The following LTBP4 variants were observed in gnomAD, a reference collection of about 807,000 sequenced individuals.
The protein encoded by LTBP4 is latent-transforming growth factor beta-binding protein 4.
Under a neutral mutation model 180.2 loss-of-function variants are expected in LTBP4, and 93 were observed. That is an observed-to-expected ratio of 0.52 (90% CI 0.44 to 0.61). The LOEUF (loss-of-function observed/expected upper bound fraction) is 0.61. LTBP4 is among the 20% of genes least tolerant of loss of function. The probability of loss-of-function intolerance (pLI) is 0.00; values close to 1 mark genes in which losing one functional copy is unlikely to be tolerated. For missense variants in LTBP4, 2,116 were observed against 2,256.5 expected (o/e 0.94, Z 1.26); for synonymous variants, 947 against 934.5 (o/e 1.01, Z -0.24).
chr19:40,606,598 G>T, intron 6 of LTBP4, 72 bp downstream of exon 6: 2 of 1,513,136 alleles, frequency 1.3e-6, no homozygotes, highest in Non-Finnish European at 1.8e-6. Context: ...GCATCCTGGG[G>T]CCTTTAATTC....
chr19:40,599,466 C>T (rs750463863), upstream of LTBP4: 10 of 1,613,788 alleles, frequency 6.2e-6, no homozygotes, highest in Non-Finnish European at 7.6e-6. Context: ...TGTGCAGGCC[C>T]CCAGCGGTGC....
chr19:40,607,279 C>CCCCAACCA, intron 6 of LTBP4, 86 bp from the exon 7 acceptor site: 4 of 1,126,374 alleles, frequency 3.6e-6, no homozygotes, highest in Middle Eastern at 2.0e-4. Context: ...CCCCCAACCC[C>CCCCAACCA]AGAACCATTC....
rs1485556135 is a variant in LTBP4, at chr19:40,613,442, C to T, written c.2470C>T (p.His824Tyr). 5.0e-6 allele frequency: 8 copies of T among 1,604,154 alleles called. No individual in the cohort carries two copies. The East Asian group carries it at 1.8e-4, about 36-fold the overall frequency. ...ECLEGDFCFPHGECLNTDGSF... is the reference protein window; with the variant it reads ...ECLEGDFCFPYGECLNTDGSF... ...CCTGGAGGGCGATTTCTGCTTCCCT[C>T]ACGGCGAGTGCCTCAACACTGACGG... The change falls in exon 17 of 30, where the codon CAC becomes TAC. Residue 824 changes from histidine to tyrosine, a missense_variant. By Grantham distance (83) the His-to-Tyr change is moderately conservative. Transcript: ENST00000396819. This position sits in a 1 kb window ranked among gnomAD's most constrained non-coding sequence, Gnocchi z 5.0.
rs1450122524 is a variant in LTBP4, at chr19:40,605,257, AC to A, written c.442+35del. On this transcript the variant is annotated intron_variant, in intron 2 of 29. Transcript: ENST00000396819. The surrounding 1 kb of genome is among the most constrained non-coding windows in gnomAD (Gnocchi z 5.5). ...GAAAGGGTGGCCAGAGTCCCCTCCG[AC>A]CCCTGTCAAGCATTTCACTTTGCCC... 9.0e-6 allele frequency: 14 copies of A among 1,563,550 alleles called. No homozygotes were observed. The African/African-American group carries it at 1.9e-4, about 21-fold the overall frequency.
chr19:40,599,836 T>G (rs893033051), upstream of LTBP4: 2 of 548,028 alleles, frequency 3.6e-6, no homozygotes, highest in Admixed American at 3.4e-5. Flanking sequence ...CCTGCCTCTA[T>G]GTCTAAGTCT....
At chr19:40,623,775 C>T (rs774006039) in intron 25 of LTBP4, 43 bp downstream of exon 25, 1 of 1,609,474 alleles carries the variant, frequency 6.2e-7, no homozygotes, top group South Asian at 1.1e-5. Flanking sequence ...CTCTCTCCAA[C>T]CCCTAGCCTT....
At chr19:40,599,144 G>A, upstream of LTBP4, 1 of 1,535,608 alleles carries the variant, frequency 6.5e-7, no homozygotes, top group Non-Finnish European at 8.9e-7. Context: ...GCCCTCCTTT[G>A]CAGAGTTCTG....
intron 1 of LTBP4, among the ~76,000 whole-genome samples, chr19:40,594,930 G>A (rs2081382685): frequency 6.6e-6 from 1 of 152,052 alleles, no homozygotes; most frequent in South Asian, 2.1e-4. Context: ...AGCAGGAGTG[G>A]GGGGTGGGGG....
intron 26 of LTBP4, among the ~76,000 whole-genome samples, chr19:40,625,309 T>TATATATAC (rs2081624667): frequency 3.4e-5 from 1 of 29,050 alleles, no homozygotes; most frequent in East Asian, 8.8e-4. Flanking sequence ...TATATATATA[T>TATATATAC]ATATATATTT....
At chr19:40,601,281 G>C (rs2081421430), upstream of LTBP4, 4 of 866,418 alleles carry the variant, frequency 4.6e-6, no homozygotes, top group South Asian at 1.1e-4. Flanking sequence ...AGGAGGGGGG[G>C]CCTGAGCGGG....
At chr19:40,618,421 A>C (rs1311921010) in intron 21 of LTBP4, among the ~76,000 whole-genome samples, 1 of 152,014 alleles carries the variant, frequency 6.6e-6, no homozygotes, top group Non-Finnish European at 1.5e-5. Context: ...CACTATGCCC[A>C]GCTAATTTTT....
Position 40,605,851 on chromosome 19 carries a change from C to G in LTBP4, c.793+20C>G. On this transcript the variant is annotated intron_variant, in intron 4 of 29. Coordinates refer to ENST00000396819, the MANE Select transcript of LTBP4 (RefSeq NM_001042545.2). This position sits in a 1 kb window ranked among gnomAD's most constrained non-coding sequence, Gnocchi z 5.5. The stretch of plus-strand genomic sequence containing the variant: ...GCCTGGGTAAGCCCCAGGACGTCCC[C>G]GAAGTGCTCGGAGCTGGGGAGTGGT... 6.5e-7 allele frequency: 1 copy of G among 1,534,594 alleles called. No homozygotes were observed.
intron 24 of LTBP4, among the ~76,000 whole-genome samples, chr19:40,623,288 C>T (rs1361201884): frequency 2.0e-5 from 3 of 151,650 alleles, no homozygotes; most frequent in Non-Finnish European, 2.9e-5. Flanking sequence ...GATTCTCTTG[C>T]CTCAGCCTCT....
intron 1 of LTBP4, among the ~76,000 whole-genome samples, chr19:40,596,246 G>C (rs1411072073): frequency 6.6e-6 from 1 of 152,006 alleles, no homozygotes; most frequent in African/African-American, 2.4e-5. Flanking sequence ...AATAGAGATG[G>C]GGTCCTATGT....
chr19:40,597,204 C>A (rs1291130399), upstream of LTBP4: 1 of 1,431,106 alleles, frequency 7.0e-7, no homozygotes, highest in Admixed American at 2.7e-5. Context: ...GACAGACCGC[C>A]CGCCCGGAGC....
chr19:40,614,940 C>T (rs755699579), intron 19 of LTBP4, among the ~76,000 whole-genome samples: 2 of 152,186 alleles, frequency 1.3e-5, no homozygotes, highest in Non-Finnish European at 1.5e-5. Context: ...CTAGCATTGG[C>T]CCCCGCCCGT....
chr19:40,613,759 C>A lies in LTBP4; in HGVS notation c.2558-157C>A. 2 of 1,299,266 alleles carry A rather than the reference C, an allele frequency of 1.5e-6. No homozygotes were observed. The highest frequency in any genetic ancestry group is 1.1e-6 in the Non-Finnish European group (1 of 932,020). 80.5% of individuals were successfully genotyped at this position (1,299,266 alleles called of 1,614,324 possible). On this transcript the variant is annotated intron_variant, in intron 17 of 29. Coordinates refer to ENST00000396819, the MANE Select transcript of LTBP4 (RefSeq NM_001042545.2). The surrounding 1 kb of genome is among the most constrained non-coding windows in gnomAD (Gnocchi z 5.0). The stretch of plus-strand genomic sequence containing the variant: ...TGATTGTAAAGAAGCTGTTCTAAAC[C>A]CGTCGGGGGGCGGTGTTTGCAGGGA...
chr19:40,628,930 A>G (rs145185707), intron 29 of LTBP4, among the ~76,000 whole-genome samples: 20,157 of 150,684 alleles, frequency 0.13, 1,797 homozygotes, highest in African/African-American at 0.26. Context: ...GCTCACAGCA[A>G]CCTCCTCCTC....
chr19:40,625,831 C>G (rs762915880), intron 26 of LTBP4, 26 bp from the exon 27 acceptor site: 10 of 1,528,488 alleles, frequency 6.5e-6, no homozygotes, highest in Non-Finnish European at 8.8e-6. Context: ...CAGGCCCACT[C>G]TGACACATGC....
Sources: allele counts gnomAD v4.1 joint callset (sites outside exome capture counted in the v4.1 genomes callset), GRCh38; gene constraint gnomAD v4.1.1; non-coding constraint Gnocchi (gnomAD v3.1); transcripts MANE v1.5; gene names NCBI Gene and HGNC (gene_info 2026-07-23, HGNC 2026-07-21).